Variants in CDH13 observed in about 807,000 individuals in gnomAD.
The protein encoded by CDH13 is cadherin-13.
A neutral mutation model predicts 63.8 loss-of-function variants in CDH13; 24 were observed. The observed-to-expected ratio is 0.38, with a 90% confidence interval of 0.27 to 0.53. The LOEUF is 0.53. Among genes scored for constraint, CDH13 ranks in the 20% least tolerant of loss-of-function variants. The probability of loss-of-function intolerance (pLI) is 0.85; values close to 1 mark genes in which losing one functional copy is unlikely to be tolerated. For synonymous variants in CDH13, 503 were observed against 355.3 expected (o/e 1.42, Z -4.67); for missense variants, 1,049 against 903.1 (o/e 1.16, Z -2.07).
intron 1 of CDH13, among the ~76,000 whole-genome samples, chr16:82,844,267 G>A (rs566611880): frequency 1.3e-5 from 2 of 152,256 alleles, no homozygotes; most frequent in Admixed American, 1.3e-4. Context: ...GTGAACTAAA[G>A]GATGTAGATG....
At chr16:83,723,822 T>C (rs1018424030) in intron 10 of CDH13, among the ~76,000 whole-genome samples, 1 of 152,192 alleles carries the variant, frequency 6.6e-6, no homozygotes, top group Non-Finnish European at 1.5e-5. Flanking sequence ...ACACAATAAA[T>C]ATTGAAAGAA....
chr16:82,844,977 C>G (rs1187477605), intron 1 of CDH13, among the ~76,000 whole-genome samples: 1 of 151,942 alleles, frequency 6.6e-6, no homozygotes, highest in Non-Finnish European at 1.5e-5. Context: ...TTAAGCCTCT[C>G]AGATTTTAGA....
At chr16:82,944,476 G>A (rs1215370154) in intron 2 of CDH13, among the ~76,000 whole-genome samples, 1 of 152,112 alleles carries the variant, frequency 6.6e-6, no homozygotes, top group East Asian at 1.9e-4. Flanking sequence ...CTGGAGTGAG[G>A]GTCATGGATT....
chr16:82,841,743 T>C (rs2039017356), intron 1 of CDH13, among the ~76,000 whole-genome samples: 1 of 152,132 alleles, frequency 6.6e-6, no homozygotes, highest in African/African-American at 2.4e-5. Context: ...TATGATGGTT[T>C]ATGTTCATGA....
intron 6 of CDH13, among the ~76,000 whole-genome samples, chr16:83,405,154 A>G (rs2092022991): frequency 6.6e-6 from 1 of 152,156 alleles, no homozygotes; most frequent in Non-Finnish European, 1.5e-5. Context: ...AAAAATCTTA[A>G]CAATTCTATG....
intron 8 of CDH13, among the ~76,000 whole-genome samples, chr16:83,616,614 CT>C (rs372573605): frequency 2.0e-3 from 301 of 152,160 alleles, no homozygotes; most frequent in African/African-American, 6.9e-3. Flanking sequence ...AAAACATCTA[CT>C]TTTTTAACTC....
intron 11 of CDH13, among the ~76,000 whole-genome samples, chr16:83,774,165 C>A (rs893358831): frequency 6.6e-6 from 1 of 152,146 alleles, no homozygotes; most frequent in Non-Finnish European, 1.5e-5. Context: ...GCCGGTGATA[C>A]CAGCAAGCCT....
intron 3 of CDH13, among the ~76,000 whole-genome samples, chr16:83,040,605 T>C (rs1795181258): frequency 6.6e-6 from 1 of 152,218 alleles, no homozygotes; most frequent in African/African-American, 2.4e-5. Context: ...GGTTTTATGC[T>C]GGCAGCTGAT....
chr16:83,238,016 A>G (rs557757810), intron 5 of CDH13, among the ~76,000 whole-genome samples: 16 of 152,274 alleles, frequency 1.1e-4, no homozygotes, highest in African/African-American at 3.8e-4. Context: ...GCCAAAGCCC[A>G]TTTGCTTGCT....
intron 10 of CDH13, among the ~76,000 whole-genome samples, chr16:83,731,397 G>T (rs1051259594): frequency 2.0e-5 from 3 of 152,080 alleles, no homozygotes; most frequent in Non-Finnish European, 4.4e-5. Flanking sequence ...GTTTTGATTT[G>T]CATTTCTCTG....
intron 2 of CDH13, among the ~76,000 whole-genome samples, chr16:83,008,699 C>G (rs955182234): frequency 4.6e-5 from 7 of 152,228 alleles, no homozygotes; most frequent in African/African-American, 1.7e-4. Flanking sequence ...CCACCGTAAC[C>G]CAGGCAGAAG....
At chr16:83,792,653 A>G (rs1361337538) in intron 13 of CDH13, among the ~76,000 whole-genome samples, 2 of 152,174 alleles carry the variant, frequency 1.3e-5, no homozygotes, top group Admixed American at 1.3e-4. Context: ...ATCCAACCCC[A>G]AATGTCAGTA....
At chr16:83,719,185 G>A (rs1328789117) in intron 10 of CDH13, among the ~76,000 whole-genome samples, 1 of 152,186 alleles carries the variant, frequency 6.6e-6, no homozygotes, top group African/African-American at 2.4e-5. Context: ...ATTGCATTGA[G>A]CAGGCACATT....
intron 1 of CDH13, among the ~76,000 whole-genome samples, chr16:82,712,165 A>T (rs975965210): frequency 6.6e-6 from 1 of 152,176 alleles, no homozygotes; most frequent in Non-Finnish European, 1.5e-5. Flanking sequence ...TGTTCTACAG[A>T]CTTAACGCCA....
chr16:82,925,343 GTGTGGAGGCCC>G (rs1363007208), intron 2 of CDH13, among the ~76,000 whole-genome samples: 1 of 152,202 alleles, frequency 6.6e-6, no homozygotes, highest in East Asian at 1.9e-4. Flanking sequence ...TGCCAGTTGA[GTGTGGAGGCCC>G]TGTGTTGCCA....
At chr16:83,449,649 A>G (rs1444189728) in intron 6 of CDH13, among the ~76,000 whole-genome samples, 1 of 152,050 alleles carries the variant, frequency 6.6e-6, no homozygotes, top group Non-Finnish European at 1.5e-5. Context: ...TCCCCTCATA[A>G]CACCATGGGA....
At chr16:82,628,012 G>A (rs1907555792) in intron 1 of CDH13, among the ~76,000 whole-genome samples, 2 of 152,236 alleles carry the variant, frequency 1.3e-5, no homozygotes, top group African/African-American at 2.4e-5. Context: ...AACCAGGAGA[G>A]GGGGCGAGGG....
intron 1 of CDH13, among the ~76,000 whole-genome samples, chr16:82,637,015 C>T (rs1908739796): frequency 6.6e-6 from 1 of 152,150 alleles, no homozygotes; most frequent in Non-Finnish European, 1.5e-5. Context: ...GACCAGGTTA[C>T]TTGGAGGTTC....
chr16:82,979,365 A>T lies in CDH13; in HGVS notation c.158-52645A>T, dbSNP rs146647427. Among the ~76,000 whole-genome samples the T allele has an allele frequency of 3.8e-3, 583 of 152,274 alleles. 4 individuals are homozygous for T. The highest frequency in any genetic ancestry group is 7.0e-3 in the Non-Finnish European group (477 of 68,020). ...ACACGGGATTTTGGAGAGTAGGGGC[A>T]GAGTGATATGATTTGGCTGTGTCCT... On this transcript the variant is annotated intron_variant, in intron 2 of 13. Coordinates refer to ENST00000567109, the MANE Select transcript of CDH13 (RefSeq NM_001257.5).
Sources: gnomAD v4.1 joint callset for allele counts (sites outside exome capture counted in the v4.1 genomes callset) on GRCh38, gnomAD v4.1.1 for gene constraint, MANE v1.5 for transcripts, NCBI Gene and HGNC (gene_info 2026-07-23, HGNC 2026-07-21) for gene names.